The following TBC1D2 variants were observed in gnomAD, a reference collection of about 807,000 sequenced individuals.
TBC1D2 encodes TBC1 domain family member 2.
TBC1D2 carries 58 observed loss-of-function variants against 91.1 expected under a neutral mutation model. The ratio of observed to expected loss-of-function variants is 0.64; its 90% CI spans 0.52 to 0.79. The LOEUF (loss-of-function observed/expected upper bound fraction) is 0.79. Among genes scored for constraint, TBC1D2 ranks in the 30% least tolerant of loss-of-function variants. The pLI is 0.00. For synonymous variants in TBC1D2, 482 were observed against 511.5 expected (o/e 0.94, Z 0.78); for missense variants, 1,080 against 1,208.3 (o/e 0.89, Z 1.57).
At chr9:98,210,325 G>C (rs1828797580) in intron 8 of TBC1D2, among the ~76,000 whole-genome samples, 1 of 152,178 alleles carries the variant, frequency 6.6e-6, no homozygotes, top group Non-Finnish European at 1.5e-5. Context: ...CAAGGCCTTG[G>C]TGCAGAGGAG....
intron 3 of TBC1D2, among the ~76,000 whole-genome samples, chr9:98,236,349 G>A (rs1356755706): frequency 6.6e-6 from 1 of 151,846 alleles, no homozygotes; most frequent in East Asian, 2.0e-4. Flanking sequence ...TCAGCCTGCC[G>A]AGTAGCTGGG....
rs116838729 is a variant in TBC1D2 at position 98,242,525 on chromosome 9, G to C, written c.647+1469C>G. Among the ~76,000 whole-genome samples the C allele has an allele frequency of 8.7e-3, 1,322 of 151,820 alleles. 18 individuals are homozygous for C. Among genetic ancestry groups the C allele is most frequent in the African/African-American group, 0.029 (1,189 of 41,430 alleles). On this transcript the variant is annotated intron_variant, in intron 3 of 12. Transcript: ENST00000465784. ...ACTATTGGATATAGTTTGAATTCCT[G>C]AAAGTTTCCATCCCTTCAACTAGAG... is the stretch of plus-strand genomic sequence containing the variant.
chr9:98,236,144 T>C (rs1253568369), intron 3 of TBC1D2, among the ~76,000 whole-genome samples: 1 of 152,170 alleles, frequency 6.6e-6, no homozygotes. Context: ...CTTTTTAAAA[T>C]TTTATTTATT....
chr9:98,203,489 G>A, intron 9 of TBC1D2, 81 bp from the exon 10 acceptor site: 2 of 1,570,148 alleles, frequency 1.3e-6, no homozygotes, highest in Non-Finnish European at 1.7e-6. Context: ...GGCTTCCTGG[G>A]TTCCAGGGGG....
In TBC1D2 at chr9:98,212,801, G is replaced by C. The variant is rs185298149; in HGVS notation, c.1485+307C>G. Among the ~76,000 whole-genome samples, 205 of 152,300 alleles carry C rather than the reference G, an allele frequency of 1.3e-3. 1 individual carries two copies. The highest frequency in any genetic ancestry group is 4.7e-3 in the African/African-American group (196 of 41,558). On this transcript the variant is annotated intron_variant, in intron 7 of 12. Transcript: ENST00000465784. ...TTACAGGTGTGAGCCACCACGCCTG[G>C]CCCCAAGTACATCTTGATTGGGTTA...
At chr9:98,212,645 G>T (rs1278332610) in intron 7 of TBC1D2, among the ~76,000 whole-genome samples, 1 of 152,178 alleles carries the variant, frequency 6.6e-6, no homozygotes, top group Non-Finnish European at 1.5e-5. Flanking sequence ...GGGACTGCAG[G>T]CGCCCGCCAC....
rs772091155 is a variant in TBC1D2 at position 98,201,490 on chromosome 9, C to T, written c.2446G>A (p.Glu816Lys). The T allele has an allele frequency of 2.2e-5, 35 of 1,613,652 alleles. No individual in the cohort carries two copies. Among genetic ancestry groups the T allele is most frequent in the Non-Finnish European group, 2.8e-5 (33 of 1,179,760 alleles). The change falls in exon 11 of 13, where the codon GAG becomes AAG. Residue 816 changes from glutamate (E) to lysine (K), a missense_variant. By Grantham distance (56) the Glu-to-Lys change is moderately conservative. Transcript: ENST00000465784. Reference sequence around the variant, plus strand: ...TGGCTGCACCCTACCTTCGTCCCCTCGTACAGGAAGGCATCCCAGACCCGA... The same window carrying T: ...TGGCTGCACCCTACCTTCGTCCCCTTGTACAGGAAGGCATCCCAGACCCGA... ...LLRVWDAFLYEGTKVVFRYAL... is the reference protein window; with the variant it reads ...LLRVWDAFLYKGTKVVFRYAL...
At chr9:98,216,236 A>G (rs1241699354) in intron 6 of TBC1D2, among the ~76,000 whole-genome samples, 1 of 152,208 alleles carries the variant, frequency 6.6e-6, no homozygotes, top group African/African-American at 2.4e-5. Flanking sequence ...GGCATGTGGC[A>G]AGTGCAACGT....
At chr9:98,252,668 G>C (rs539820598) in intron 1 of TBC1D2, among the ~76,000 whole-genome samples, 31 of 152,306 alleles carry the variant, frequency 2.0e-4, no homozygotes, top group African/African-American at 7.0e-4. Flanking sequence ...CCAGGCATGT[G>C]GTGGTAGAAC....
rs1053753188 is a variant in TBC1D2, at chr9:98,221,046, C to A, written c.1161G>T (p.Ala387=). Residue 387 remains alanine, a synonymous_variant, in exon 6 of 13, where the codon GCG becomes GCT. Transcript: ENST00000465784. The part of the protein sequence containing the change: ...EALEQERESL[A]HTASLREQQV... Reference sequence around the variant, plus strand: ...GCTGCTCCCGCAGGCTCGCTGTGTGCGCCAGGCTCTCCCGCTCCTGCTCCA... The same window carrying A: ...GCTGCTCCCGCAGGCTCGCTGTGTGAGCCAGGCTCTCCCGCTCCTGCTCCA... The A allele has an allele frequency of 1.2e-6, 2 of 1,613,182 alleles. No individual in the cohort carries two copies. Among genetic ancestry groups the A allele is most frequent in the East Asian group, 4.5e-5 (2 of 44,868 alleles).
At chr9:98,233,607 G>GCCCTTCTC in intron 3 of TBC1D2, 58 bp from the exon 4 acceptor site, 1 of 1,589,106 alleles carries the variant, frequency 6.3e-7, no homozygotes, top group East Asian at 2.3e-5. Flanking sequence ...CTGCCCTTCT[G>GCCCTTCTC]TCCTTCCCGC....
chr9:98,220,192 A>G (rs1367691222), intron 6 of TBC1D2, among the ~76,000 whole-genome samples: 1 of 152,190 alleles, frequency 6.6e-6, no homozygotes, highest in African/African-American at 2.4e-5. Flanking sequence ...CAGCTCCTCC[A>G]CTTCTTCAGC....
At chr9:98,208,554 C>T (rs1046518868) in intron 9 of TBC1D2, 114 bp downstream of exon 9, 26 of 1,008,786 alleles carry the variant, frequency 2.6e-5, no homozygotes, top group Non-Finnish European at 3.7e-5. Flanking sequence ...TGCTCACCTC[C>T]TGCTGTGCGG....
Position 98,255,407 on chromosome 9 carries a change from G to A in TBC1D2, c.135C>T (p.Pro45=). 6.2e-7 allele frequency: 1 copy of A among 1,613,496 alleles called. No homozygotes were observed. Among genetic ancestry groups the A allele is most frequent in the Non-Finnish European group, 8.5e-7 (1 of 1,179,458 alleles). ...GDCARSLEAV[P]KKLCGYLSKF... The stretch of plus-strand genomic sequence containing the variant: ...TACTTAAATACCCACAGAGTTTCTT[G>A]GGGACCGCCTCCAGGGACCGGGCGC... Residue 45 remains proline (P), a synonymous_variant, in exon 1 of 13, where the codon CCC becomes CCT. Coordinates refer to ENST00000465784, the MANE Select transcript of TBC1D2 (RefSeq NM_001267571.2).
At chr9:98,232,334 C>CTGTTTTTTTT (rs1564251650) in intron 4 of TBC1D2, among the ~76,000 whole-genome samples, 3 of 62,916 alleles carry the variant, frequency 4.8e-5, no homozygotes, top group African/African-American at 4.0e-4. Flanking sequence ...TCTTCTTTCT[C>CTGTTTTTTTT]TTTTTCTGTT....
chr9:98,205,525 T>G (rs1323002491), intron 9 of TBC1D2, among the ~76,000 whole-genome samples: 5 of 152,216 alleles, frequency 3.3e-5, no homozygotes, highest in Non-Finnish European at 5.9e-5. Flanking sequence ...TCTGTCATCT[T>G]GAGACATCAA....
chr9:98,217,810 G>A (rs533689738), intron 6 of TBC1D2, among the ~76,000 whole-genome samples: 110 of 152,114 alleles, frequency 7.2e-4, no homozygotes, highest in African/African-American at 2.5e-3. Context: ...ACTCCTGGGC[G>A]GCTCAAGTAA....
At chr9:98,254,071 C>A (rs1281369592) in intron 1 of TBC1D2, among the ~76,000 whole-genome samples, 1 of 152,158 alleles carries the variant, frequency 6.6e-6, no homozygotes, top group Non-Finnish European at 1.5e-5. Context: ...TTAACCAAGT[C>A]CCCCAGCCTG....
chr9:98,212,027 C>T (rs567677222), intron 7 of TBC1D2, among the ~76,000 whole-genome samples: 1 of 151,920 alleles, frequency 6.6e-6, no homozygotes, highest in African/African-American at 2.4e-5. Context: ...TGAACTCTAG[C>T]CCCAAGGGAT....
Sources: allele counts gnomAD v4.1 joint callset (sites outside exome capture counted in the v4.1 genomes callset), GRCh38; gene constraint gnomAD v4.1.1; transcripts MANE v1.5; gene names NCBI Gene and HGNC (gene_info 2026-07-23, HGNC 2026-07-21).